Variants in NWD2 observed in about 807,000 individuals in gnomAD.
NWD2 encodes the protein NACHT and WD repeat domain containing 2, also known as NACHT and WD repeat domain-containing protein 2.
Under a neutral mutation model 132.7 loss-of-function variants are expected in NWD2, and 37 were observed. The observed-to-expected ratio is 0.28, with a 90% CI of 0.21 to 0.37. The LOEUF (loss-of-function observed/expected upper bound fraction) is 0.37. NWD2 is among the 10% of genes least tolerant of loss of function. The probability of loss-of-function intolerance (pLI) is 1.00; values close to 1 mark genes in which losing one functional copy is unlikely to be tolerated. For missense variants in NWD2, 1,592 were observed against 2,122.4 expected (o/e 0.75, Z 4.91); for synonymous variants, 705 against 803.0 (o/e 0.88, Z 2.06).
chr4:37,323,877 A>G (rs531265064), intron 1 of NWD2, among the ~76,000 whole-genome samples: 1 of 152,100 alleles, frequency 6.6e-6, no homozygotes, highest in Admixed American at 6.5e-5. Flanking sequence ...AAAGAATGCA[A>G]TGTCCTTTGC....
chr4:37,401,218 C>G (rs897020453), intron 3 of NWD2, among the ~76,000 whole-genome samples: 1 of 152,120 alleles, frequency 6.6e-6, no homozygotes, highest in African/African-American at 2.4e-5. Context: ...TCTTATTTCC[C>G]TCTTATTGAG....
chr4:37,408,454 A>T (rs532997815), intron 3 of NWD2, among the ~76,000 whole-genome samples: 1 of 152,326 alleles, frequency 6.6e-6, no homozygotes, highest in East Asian at 1.9e-4. Context: ...CAGCTCAGCA[A>T]GGCTGCTATG....
intron 3 of NWD2, among the ~76,000 whole-genome samples, chr4:37,367,064 A>T (rs1409401078): frequency 2.0e-5 from 3 of 152,200 alleles, no homozygotes; most frequent in Non-Finnish European, 2.9e-5. Context: ...AGTGCAAAGG[A>T]TGATCCATCC....
intron 1 of NWD2, among the ~76,000 whole-genome samples, chr4:37,258,408 G>A (rs974432633): frequency 1.3e-5 from 2 of 152,208 alleles, no homozygotes; most frequent in African/African-American, 2.4e-5. Context: ...GTTGGAGGTG[G>A]TTGCAGGAGA....
intron 1 of NWD2, among the ~76,000 whole-genome samples, chr4:37,252,654 T>C (rs1174433765): frequency 6.6e-6 from 1 of 152,212 alleles, no homozygotes; most frequent in Non-Finnish European, 1.5e-5. Flanking sequence ...TTGGCTGGGC[T>C]GGAAGGTCCC....
intron 1 of NWD2, among the ~76,000 whole-genome samples, chr4:37,261,290 A>G (rs1717631898): frequency 6.6e-6 from 1 of 152,162 alleles, no homozygotes; most frequent in Admixed American, 6.5e-5. Flanking sequence ...TTGCCCACTC[A>G]ATAGAAGAGG....
intron 1 of NWD2, among the ~76,000 whole-genome samples, chr4:37,302,206 G>T (rs1409812330): frequency 1.3e-5 from 2 of 151,830 alleles, no homozygotes; most frequent in Non-Finnish European, 2.9e-5. Context: ...GTGTGAACAT[G>T]CATTCTTTAT....
chr4:37,293,932 A>G (rs1332237908), intron 1 of NWD2, among the ~76,000 whole-genome samples: 2 of 152,038 alleles, frequency 1.3e-5, no homozygotes, highest in East Asian at 1.9e-4. Context: ...GAGGAGACCT[A>G]TCACTGAACA....
At chr4:37,265,874 A>G (rs1166807910) in intron 1 of NWD2, among the ~76,000 whole-genome samples, 1 of 152,062 alleles carries the variant, frequency 6.6e-6, no homozygotes, top group Non-Finnish European at 1.5e-5. Flanking sequence ...CGCAGCTTCC[A>G]GAGATGGGCT....
intron 1 of NWD2, among the ~76,000 whole-genome samples, chr4:37,253,281 T>C (rs894425184): frequency 6.6e-6 from 1 of 152,218 alleles, no homozygotes. Context: ...TCACCATTTT[T>C]CCTGATAAAG....
chr4:37,358,295 C>G (rs1203240371), intron 3 of NWD2, among the ~76,000 whole-genome samples: 1 of 152,040 alleles, frequency 6.6e-6, no homozygotes, highest in South Asian at 2.1e-4. Context: ...GGGAACAGAG[C>G]AGGCAGACCT....
At chr4:37,341,859 A>C (rs772788169) in intron 2 of NWD2, among the ~76,000 whole-genome samples, 1 of 152,190 alleles carries the variant, frequency 6.6e-6, no homozygotes, top group Non-Finnish European at 1.5e-5. Flanking sequence ...TATGGTAATC[A>C]GATTTGCATT....
At chr4:37,434,122 G>A (rs1712251951) in intron 5 of NWD2, 102 bp downstream of exon 5, 2 of 675,638 alleles carry the variant, frequency 3.0e-6, no homozygotes, top group South Asian at 4.3e-5. Flanking sequence ...TTTACTGCCT[G>A]GTGAAATTTA....
At chr4:37,253,875 G>A (rs1262917976) in intron 1 of NWD2, among the ~76,000 whole-genome samples, 1 of 152,176 alleles carries the variant, frequency 6.6e-6, no homozygotes, top group East Asian at 1.9e-4. Flanking sequence ...AGAGTAACAG[G>A]AAGTAATTAG....
chr4:37,344,912 G>C lies in NWD2; in HGVS notation c.241-11454G>C, dbSNP rs1053873342. 3.3e-5 allele frequency among the ~76,000 whole-genome samples: 5 copies of C among 152,142 alleles called. No individual in the cohort carries two copies. The East Asian group carries it at 5.8e-4, about 18-fold the overall frequency. ...ACTAGCCCTAAGCAACTGCTAATCT[G>C]CTTTTTGTCTCTATGGATTTGCCTA... On this transcript the variant is annotated intron_variant, in intron 2 of 6. Coordinates refer to ENST00000309447, the MANE Select transcript of NWD2 (RefSeq NM_001144990.2).
chr4:37,342,889 C>A (rs1719557460), intron 2 of NWD2, among the ~76,000 whole-genome samples: 1 of 152,176 alleles, frequency 6.6e-6, no homozygotes, highest in Admixed American at 6.6e-5. Flanking sequence ...CCAGGCCAGT[C>A]AGTCCTTTCT....
chr4:37,351,688 C>G (rs924359279), intron 2 of NWD2, among the ~76,000 whole-genome samples: 5 of 152,106 alleles, frequency 3.3e-5, no homozygotes, highest in Non-Finnish European at 4.4e-5. Context: ...CAGTTCTGCT[C>G]TGATCTTAGT....
intron 1 of NWD2, among the ~76,000 whole-genome samples, chr4:37,265,217 T>C (rs1717724127): frequency 6.6e-6 from 1 of 152,122 alleles, no homozygotes; most frequent in Admixed American, 6.6e-5. Flanking sequence ...AATGATATAG[T>C]TCTAATATTT....
intron 2 of NWD2, 56 bp from the exon 3 acceptor site, chr4:37,356,310 G>T: frequency 1.1e-6 from 1 of 918,842 alleles, no homozygotes. Context: ...GCTTGACATT[G>T]TAAATAAAAA....
Sources: allele counts gnomAD v4.1 joint callset (sites outside exome capture counted in the v4.1 genomes callset), GRCh38; gene constraint gnomAD v4.1.1; transcripts MANE v1.5; gene names NCBI Gene and HGNC (gene_info 2026-07-23, HGNC 2026-07-21).